ENOX2: variants seen among roughly 807,000 people sequenced by gnomAD.
ENOX2 encodes APK1 antigen.
ENOX2 carries 36 observed loss-of-function variants against 45.0 expected under a neutral mutation model. The ratio of observed to expected loss-of-function variants is 0.80; its 90% confidence interval spans 0.61 to 1.06. The LOEUF (loss-of-function observed/expected upper bound fraction) is 1.06, where lower values mean the gene tolerates loss of function less well. Ranked by LOEUF, ENOX2 falls within the 50% of genes least tolerant of loss-of-function variation. ENOX2 has a pLI of 0.00. For synonymous variants in ENOX2, 174 were observed against 152.3 expected (o/e 1.14, Z -1.05); for missense variants, 423 against 462.5 (o/e 0.91, Z 0.78).
At chrX:130,656,362 C>A (rs890513320) in intron 10 of ENOX2, among the ~76,000 whole-genome samples, 14 of 112,239 alleles carry the variant, frequency 1.2e-4, no homozygotes, top group African/African-American at 4.5e-4. Flanking sequence ...TTTAATTAGG[C>A]ACTTCAATGC....
Position 130,687,367 on chromosome X carries a change from G to T in ENOX2, c.253+1496C>A, listed in dbSNP as rs188198973. ...TCAGCAGGATTCTACCCTTTCATAA[G>T]CAGGAGGTTTTAACACTGGCAGTGC... On this transcript the variant is annotated intron_variant, in intron 5 of 14. Transcript: ENST00000394363. Among the ~76,000 whole-genome samples, 217 of 112,482 alleles carry T rather than the reference G, an allele frequency of 1.9e-3. 3 individuals are homozygous for T. The highest frequency in any genetic ancestry group is 6.5e-3 in the African/African-American group (202 of 30,995).
At chrX:130,801,044 T>C (rs2077208911) in intron 2 of ENOX2, among the ~76,000 whole-genome samples, 1 of 112,585 alleles carries the variant, frequency 8.9e-6, no homozygotes, top group African/African-American at 3.2e-5. Flanking sequence ...ACACATTTTG[T>C]TTAATGGCAA....
At chrX:130,805,655 T>C (rs762584345) in intron 2 of ENOX2, among the ~76,000 whole-genome samples, 323 of 111,780 alleles carry the variant, frequency 2.9e-3, no homozygotes, top group Non-Finnish European at 4.6e-3. Flanking sequence ...ACTCAATACA[T>C]GCTGGGACAC....
At chrX:130,796,260 G>A (rs751874428) in intron 2 of ENOX2, among the ~76,000 whole-genome samples, 25 of 111,589 alleles carry the variant, frequency 2.2e-4, no homozygotes, top group Non-Finnish European at 3.6e-4. Flanking sequence ...TGGGAGTTGA[G>A]GAGAAGAGAG....
At chrX:130,662,878 C>T (rs181827783) in intron 9 of ENOX2, among the ~76,000 whole-genome samples, 7 of 111,648 alleles carry the variant, frequency 6.3e-5, no homozygotes, top group East Asian at 2.8e-4. Flanking sequence ...ATCAAACAAG[C>T]GGGAAGGATT....
intron 3 of ENOX2, among the ~76,000 whole-genome samples, chrX:130,730,796 T>G (rs1354145556): frequency 9.0e-6 from 1 of 110,925 alleles, no homozygotes; most frequent in East Asian, 2.8e-4. Flanking sequence ...AGGTCACAGG[T>G]AGATTTAAAT....
chrX:130,872,685 T>A (rs1353355651), intron 2 of ENOX2, among the ~76,000 whole-genome samples: 1 of 112,002 alleles, frequency 8.9e-6, no homozygotes, highest in Non-Finnish European at 1.9e-5. Flanking sequence ...ATGGTACTGG[T>A]ACCAAAACAG....
intron 3 of ENOX2, among the ~76,000 whole-genome samples, chrX:130,712,290 C>T (rs775864319): frequency 8.9e-6 from 1 of 111,838 alleles, no homozygotes; most frequent in Non-Finnish European, 1.9e-5. Flanking sequence ...AGGGCTCCCC[C>T]AGCCCCACCA....
At chrX:130,824,727 T>C (rs927054881) in intron 2 of ENOX2, among the ~76,000 whole-genome samples, 62 of 111,272 alleles carry the variant, frequency 5.6e-4, no homozygotes, top group African/African-American at 2.0e-3. Context: ...ATGATATGAA[T>C]AGGCAATTCT....
intron 2 of ENOX2, among the ~76,000 whole-genome samples, chrX:130,898,513 T>A (rs2079095409): frequency 9.1e-6 from 1 of 110,476 alleles, no homozygotes; most frequent in South Asian, 3.9e-4. Flanking sequence ...TGCGTGTGTG[T>A]GTGTGTATTA....
At chrX:130,888,748 G>A (rs139270152) in intron 2 of ENOX2, among the ~76,000 whole-genome samples, 2,277 of 111,784 alleles carry the variant, frequency 0.02, 25 homozygotes, top group Non-Finnish European at 0.031. Context: ...TAAATTAGAC[G>A]GAATCGCTGT....
intron 2 of ENOX2, among the ~76,000 whole-genome samples, chrX:130,883,509 C>T (rs752503258): frequency 1.7e-4 from 19 of 111,655 alleles, no homozygotes; most frequent in Non-Finnish European, 3.4e-4. Flanking sequence ...AGTTTAGCAG[C>T]CCCATTTGCA....
intron 3 of ENOX2, among the ~76,000 whole-genome samples, chrX:130,763,620 G>C (rs765641257): frequency 1.1e-3 from 121 of 111,092 alleles, no homozygotes; most frequent in South Asian, 3.1e-3. Flanking sequence ...TGTAATCCTA[G>C]CACTTTGGGA....
rs1331151624 is a variant in ENOX2, at chrX:130,624,618, A to G, written c.*696T>C. On this transcript the variant is annotated 3_prime_UTR_variant, in exon 15 of 15. Transcript: ENST00000394363. ...TGAATAGCATGAACACATGCCAGTC[A>G]TACTGGATACTTGCTTTCTGTAAAC... 8.8e-6 allele frequency: 1 copy of G among 113,058 alleles called. No individual in the cohort carries two copies. The highest frequency in any genetic ancestry group is 1.9e-5 in the Non-Finnish European group (1 of 53,438). 9.3% of individuals were successfully genotyped at this position (113,058 alleles called of 1,213,427 possible).
At chrX:130,797,975 T>A (rs2077160970) in intron 2 of ENOX2, among the ~76,000 whole-genome samples, 1 of 110,699 alleles carries the variant, frequency 9.0e-6, no homozygotes, top group Non-Finnish European at 1.9e-5. Flanking sequence ...AGGCAGTGTG[T>A]CTTATCCCTG....
intron 2 of ENOX2, among the ~76,000 whole-genome samples, chrX:130,790,928 C>T (rs1316761995): frequency 8.9e-6 from 1 of 111,958 alleles, no homozygotes; most frequent in Non-Finnish European, 1.9e-5. Flanking sequence ...TATTTTACAA[C>T]AAGGAATGAG....
At chrX:130,867,707 T>C (rs2078512764) in intron 2 of ENOX2, among the ~76,000 whole-genome samples, 1 of 111,970 alleles carries the variant, frequency 8.9e-6, no homozygotes, top group Non-Finnish European at 1.9e-5. Context: ...TGGCAAGAAA[T>C]ACCAGTTGTT....
At chrX:130,670,926 A>T (rs2036972856) in intron 6 of ENOX2, among the ~76,000 whole-genome samples, 1 of 111,506 alleles carries the variant, frequency 9.0e-6, no homozygotes, top group Non-Finnish European at 1.9e-5. Context: ...TGGGGAAAAA[A>T]CTAAGTACTT....
chrX:130,780,598 C>A (rs1183928154), intron 3 of ENOX2, among the ~76,000 whole-genome samples: 1 of 111,431 alleles, frequency 9.0e-6, no homozygotes, highest in East Asian at 2.8e-4. Context: ...AAGAAGGGGG[C>A]ATTGTTAATA....
Sources: gnomAD v4.1 joint callset for allele counts (sites outside exome capture counted in the v4.1 genomes callset) on GRCh38, gnomAD v4.1.1 for gene constraint, MANE v1.5 for transcripts, NCBI Gene and HGNC (gene_info 2026-07-23, HGNC 2026-07-21) for gene names.